The following LGSN variants were observed in gnomAD, a reference collection of about 807,000 sequenced individuals.
LGSN encodes lengsin.
Under a neutral mutation model 19.5 loss-of-function variants are expected in LGSN, and 21 were observed. The observed-to-expected ratio is 1.07, with a 90% CI of 0.76 to 1.55. The LOEUF (loss-of-function observed/expected upper bound fraction) is 1.55. LGSN is among the 40% of genes most tolerant of loss of function. The pLI is 0.00. For missense variants in LGSN, 673 were observed against 608.5 expected, an observed-to-expected ratio of 1.11 and a Z score of -1.12; for synonymous variants, 257 against 215.6, an observed-to-expected ratio of 1.19 and a Z score of -1.68.
the LGSN span, among the ~76,000 whole-genome samples, chr6:63,456,055 C>T: frequency 6.6e-6 from 1 of 151,628 alleles, no homozygotes; most frequent in South Asian, 2.1e-4. Flanking sequence ...TAGTGAAACC[C>T]CGTCTCTACT....
the LGSN span, among the ~76,000 whole-genome samples, chr6:63,336,343 T>G: frequency 1.3e-5 from 2 of 152,114 alleles, no homozygotes; most frequent in Non-Finnish European, 2.9e-5. Flanking sequence ...AAGATTCACA[T>G]GTAGCCTATA....
chr6:63,424,094 CAAAG>C, the LGSN span, among the ~76,000 whole-genome samples: 1 of 151,734 alleles, frequency 6.6e-6, no homozygotes, highest in Non-Finnish European at 1.5e-5. Flanking sequence ...GCAATACTGA[CAAAG>C]AAAATAAGAA....
At chr6:63,499,490 G>A in the LGSN span, among the ~76,000 whole-genome samples, 1 of 152,054 alleles carries the variant, frequency 6.6e-6, no homozygotes, top group Admixed American at 6.6e-5. Context: ...GGCTTTAAGA[G>A]TTTTTCAATC....
the LGSN span, among the ~76,000 whole-genome samples, chr6:63,490,665 C>T: frequency 6.6e-6 from 1 of 152,158 alleles, no homozygotes; most frequent in Non-Finnish European, 1.5e-5. Context: ...CAACCTCTGT[C>T]TCCCAGGCTG....
chr6:63,303,779 A>G (rs1228150444), intron 1 of LGSN, among the ~76,000 whole-genome samples: 3 of 152,194 alleles, frequency 2.0e-5, no homozygotes, highest in Non-Finnish European at 4.4e-5. Context: ...CATCAGAGAA[A>G]GACTTCCCTT....
chr6:63,535,751 C>G, the LGSN span, among the ~76,000 whole-genome samples: 1 of 152,146 alleles, frequency 6.6e-6, no homozygotes, highest in African/African-American at 2.4e-5. Flanking sequence ...AAGCTGACAG[C>G]CTTCCGGAAG....
chr6:63,348,671 A>G, the LGSN span, among the ~76,000 whole-genome samples: 1 of 151,470 alleles, frequency 6.6e-6, no homozygotes, highest in African/African-American at 2.4e-5. Context: ...GTTTGGTAGG[A>G]GTCATGGAGC....
At chr6:63,428,031 TATCACAAAA>T in the LGSN span, among the ~76,000 whole-genome samples, 129 of 152,336 alleles carry the variant, frequency 8.5e-4, no homozygotes, top group African/African-American at 3.0e-3. Flanking sequence ...ACGCTGTTTT[TATCACAAAA>T]GTAAATTGTC....
the LGSN span, among the ~76,000 whole-genome samples, chr6:63,378,297 T>C: frequency 1.3e-5 from 2 of 152,108 alleles, no homozygotes; most frequent in Non-Finnish European, 2.9e-5. Flanking sequence ...TTTTATATAC[T>C]TCAGTCTAGA....
At chr6:63,480,940 G>GAGATAGATAT in the LGSN span, among the ~76,000 whole-genome samples, 1 of 59,868 alleles carries the variant, frequency 1.7e-5, no homozygotes, top group African/African-American at 4.5e-5. Flanking sequence ...TAAAGAAAAT[G>GAGATAGATAT]ATATATATAT....
chr6:63,415,013 T>C, the LGSN span, among the ~76,000 whole-genome samples: 2 of 152,202 alleles, frequency 1.3e-5, no homozygotes, highest in African/African-American at 4.8e-5. Context: ...TAGTTCATTT[T>C]CATACTGCTA....
the LGSN span, among the ~76,000 whole-genome samples, chr6:63,325,118 A>AAT: frequency 6.6e-6 from 1 of 151,690 alleles, no homozygotes; most frequent in South Asian, 2.1e-4. Context: ...AAAAAAAAAA[A>AAT]AAAAAGGAGA....
chr6:63,374,520 G>C, the LGSN span, among the ~76,000 whole-genome samples: 2 of 152,072 alleles, frequency 1.3e-5, no homozygotes, highest in Non-Finnish European at 2.9e-5. Context: ...ACATCACTTA[G>C]GATCATAAAC....
At chr6:63,542,059 GTGTA>G in the LGSN span, among the ~76,000 whole-genome samples, 1,029 of 143,898 alleles carry the variant, frequency 7.2e-3, 12 homozygotes, top group African/African-American at 0.025. Flanking sequence ...GTGTGTGTGT[GTGTA>G]TACATACACA....
chr6:63,306,288 A>G (rs545767097), intron 1 of LGSN, among the ~76,000 whole-genome samples: 1 of 152,294 alleles, frequency 6.6e-6, no homozygotes, highest in Non-Finnish European at 1.5e-5. Context: ...AAATCTAAGT[A>G]TTTTATTTGA....
intron 2 of LGSN, among the ~76,000 whole-genome samples, chr6:63,288,154 G>A (rs1767615753): frequency 6.6e-6 from 1 of 151,816 alleles, no homozygotes; most frequent in Non-Finnish European, 1.5e-5. Context: ...GGAGGTGGAA[G>A]TTGCAGCTCC....
chr6:63,344,754 G>GA, the LGSN span, among the ~76,000 whole-genome samples: 364 of 148,820 alleles, frequency 2.4e-3, 1 homozygote, highest in Non-Finnish European at 4.3e-3. Flanking sequence ...AAAAGAAAAA[G>GA]AAAAAAAAAC....
chr6:63,570,977 T>C, the LGSN span: 1 of 152,216 alleles, frequency 6.6e-6, no homozygotes, highest in South Asian at 2.1e-4. Flanking sequence ...GCTTTCTATA[T>C]TTTCTTAGAA....
chr6:63,407,281 T>A, the LGSN span, among the ~76,000 whole-genome samples: 16 of 152,104 alleles, frequency 1.1e-4, no homozygotes, highest in East Asian at 2.9e-3. Context: ...AAATCCTCAA[T>A]AAAATACTGG....
Sources: allele counts gnomAD v4.1 joint callset (sites outside exome capture counted in the v4.1 genomes callset), GRCh38; gene constraint gnomAD v4.1.1; transcripts MANE v1.5; gene names NCBI Gene and HGNC (gene_info 2026-07-23, HGNC 2026-07-21).